The following ALDH1A2 variants were observed in gnomAD, a reference collection of about 807,000 sequenced individuals.
ALDH1A2 encodes the protein aldehyde dehydrogenase 1 family member A2.
ALDH1A2 carries 27 observed loss-of-function variants against 60.3 expected under a neutral mutation model. The ratio of observed to expected loss-of-function variants is 0.45; its 90% CI spans 0.33 to 0.62. ALDH1A2 has a LOEUF of 0.62. Ranked by LOEUF, ALDH1A2 falls within the 20% of genes least tolerant of loss-of-function variation. The probability of loss-of-function intolerance (pLI) is 0.02; values close to 1 mark genes in which losing one functional copy is unlikely to be tolerated. For missense variants in ALDH1A2, 581 were observed against 643.8 expected, an observed-to-expected ratio of 0.90 and a Z score of 1.06; for synonymous variants, 289 against 232.4, an observed-to-expected ratio of 1.24 and a Z score of -2.21.
At chr15:58,064,602 G>C (rs562545720) in intron 1 of ALDH1A2, among the ~76,000 whole-genome samples, 2 of 152,122 alleles carry the variant, frequency 1.3e-5, no homozygotes, top group Middle Eastern at 3.2e-3. Flanking sequence ...TGTACCGAAA[G>C]GACTAGAAAA....
At chr15:58,052,817 A>T (rs936531572) in intron 1 of ALDH1A2, among the ~76,000 whole-genome samples, 54 of 152,264 alleles carry the variant, frequency 3.5e-4, no homozygotes, top group African/African-American at 1.3e-3. Flanking sequence ...AAAGGTTTCT[A>T]TTTCAGAGGA....
At chr15:57,991,153 C>G (rs1425423668) in intron 7 of ALDH1A2, among the ~76,000 whole-genome samples, 1 of 152,060 alleles carries the variant, frequency 6.6e-6, no homozygotes, top group South Asian at 2.1e-4. Context: ...TTCCAGGTGC[C>G]CATTCTATCT....
chr15:58,046,883 G>C (rs756848837), intron 1 of ALDH1A2, among the ~76,000 whole-genome samples: 1 of 152,024 alleles, frequency 6.6e-6, no homozygotes, highest in Non-Finnish European at 1.5e-5. Context: ...AAGATTGGCT[G>C]TCAACAGCAT....
intron 7 of ALDH1A2, among the ~76,000 whole-genome samples, chr15:57,972,647 A>ACTT (rs1215157663): frequency 1.3e-5 from 2 of 152,194 alleles, no homozygotes; most frequent in African/African-American, 2.4e-5. Flanking sequence ...ACTATACCAT[A>ACTT]CTTATTCTTC....
intron 1 of ALDH1A2, among the ~76,000 whole-genome samples, chr15:58,026,897 C>T (rs916288553): frequency 6.6e-6 from 1 of 152,220 alleles, no homozygotes; most frequent in African/African-American, 2.4e-5. Context: ...CCCACTACAG[C>T]TCAGCAAGCC....
chr15:58,034,935 T>C (rs1396256012), intron 1 of ALDH1A2, among the ~76,000 whole-genome samples: 2 of 151,678 alleles, frequency 1.3e-5, no homozygotes, highest in African/African-American at 4.8e-5. Context: ...TAGTATTCCA[T>C]TCTCGTAATC....
chr15:58,017,559 A>G (rs546890785), intron 1 of ALDH1A2, among the ~76,000 whole-genome samples: 3 of 152,186 alleles, frequency 2.0e-5, no homozygotes, highest in Non-Finnish European at 4.4e-5. Context: ...AACCAGAGAT[A>G]ATGATGAGCT....
chr15:58,052,221 G>A (rs968291392), intron 1 of ALDH1A2, among the ~76,000 whole-genome samples: 1 of 152,054 alleles, frequency 6.6e-6, no homozygotes, highest in African/African-American at 2.4e-5. Flanking sequence ...AACTGTTTGA[G>A]TGCAAATTTT....
At chr15:58,022,924 T>G (rs1895971501) in intron 1 of ALDH1A2, among the ~76,000 whole-genome samples, 1 of 152,126 alleles carries the variant, frequency 6.6e-6, no homozygotes, top group African/African-American at 2.4e-5. Context: ...TGTGCAGATA[T>G]CAACATAAGG....
intron 1 of ALDH1A2, among the ~76,000 whole-genome samples, chr15:58,057,221 C>T (rs148947188): frequency 6.6e-6 from 1 of 152,206 alleles, no homozygotes; most frequent in East Asian, 1.9e-4. Context: ...ATGGAATACT[C>T]TGCAACAATT....
At chr15:58,045,612 G>T (rs1390348754) in intron 1 of ALDH1A2, among the ~76,000 whole-genome samples, 1 of 152,058 alleles carries the variant, frequency 6.6e-6, no homozygotes, top group Non-Finnish European at 1.5e-5. Flanking sequence ...GATGAAGCTG[G>T]AAACCATCAA....
At chr15:57,996,559 C>G (rs1595652794) in intron 4 of ALDH1A2, among the ~76,000 whole-genome samples, 1 of 146,536 alleles carries the variant, frequency 6.8e-6, no homozygotes, top group South Asian at 2.1e-4. Flanking sequence ...GCAGGTTATT[C>G]CATGGGCTCA....
chr15:57,977,987 GGTT>G (rs1894327321), intron 7 of ALDH1A2, among the ~76,000 whole-genome samples: 1 of 151,940 alleles, frequency 6.6e-6, no homozygotes, highest in African/African-American at 2.4e-5. Flanking sequence ...CTCATGACTT[GGTT>G]GTTTGTCTAT....
At chr15:57,972,385 G>A (rs1453404398) in intron 7 of ALDH1A2, among the ~76,000 whole-genome samples, 2 of 152,096 alleles carry the variant, frequency 1.3e-5, no homozygotes, top group African/African-American at 2.4e-5. Flanking sequence ...CCATCCTTTT[G>A]TTACATAAGA....
At chr15:58,065,093 C>A in intron 1 of ALDH1A2, 1 of 266,272 alleles carries the variant, frequency 3.8e-6, no homozygotes, top group South Asian at 3.5e-5. Flanking sequence ...CTGTGGAGGA[C>A]CTGATTGGGA....
intron 7 of ALDH1A2, among the ~76,000 whole-genome samples, chr15:57,986,476 A>C (rs1363893139): frequency 6.7e-6 from 1 of 150,370 alleles, no homozygotes; most frequent in African/African-American, 2.4e-5. Context: ...GGAAAAAAAA[A>C]GTTTGACATT....
intron 7 of ALDH1A2, among the ~76,000 whole-genome samples, chr15:57,981,012 TTA>T (rs1484387111): frequency 6.6e-6 from 1 of 152,198 alleles, no homozygotes; most frequent in African/African-American, 2.4e-5. Context: ...TGGTTTAGTC[TTA>T]CAGTATTCTC....
chr15:58,025,844 A>G (rs541318360), intron 1 of ALDH1A2, among the ~76,000 whole-genome samples: 1 of 152,318 alleles, frequency 6.6e-6, no homozygotes, highest in African/African-American at 2.4e-5. Flanking sequence ...CAAGAGAGAA[A>G]AGAGGAAATG....
chr15:57,956,466 T>C (rs1192063635), intron 12 of ALDH1A2, among the ~76,000 whole-genome samples: 1 of 152,160 alleles, frequency 6.6e-6, no homozygotes, highest in Admixed American at 6.5e-5. Context: ...ATGGCCTACA[T>C]AAGGCTCCAG....
Sources: allele counts gnomAD v4.1 joint callset (sites outside exome capture counted in the v4.1 genomes callset), GRCh38; gene constraint gnomAD v4.1.1; transcripts MANE v1.5; gene names NCBI Gene and HGNC (gene_info 2026-07-23, HGNC 2026-07-21).